Variants in FREM1 observed in about 807,000 individuals in gnomAD.
The protein encoded by FREM1 is FRAS1-related extracellular matrix protein 1.
FREM1 carries 220 observed loss-of-function variants against 210.1 expected under a neutral mutation model. The ratio of observed to expected loss-of-function variants is 1.05; its 90% CI spans 0.94 to 1.17. The LOEUF is 1.17. Among genes scored for constraint, FREM1 ranks in the 50% most tolerant of loss-of-function variants. The pLI is 0.00. For synonymous variants in FREM1, 1,189 were observed against 980.2 expected, an observed-to-expected ratio of 1.21 and a Z score of -3.98; for missense variants, 3,454 against 2,675.5, an observed-to-expected ratio of 1.29 and a Z score of -6.42.
At chr9:14,778,806 G>C (rs143077986) in intron 24 of FREM1, among the ~76,000 whole-genome samples, 1 of 151,246 alleles carries the variant, frequency 6.6e-6, no homozygotes, top group African/African-American at 2.4e-5. Context: ...ACTCTGGGAG[G>C]CTGGGGTGGG....
chr9:14,815,958 T>C (rs527477534), intron 15 of FREM1, among the ~76,000 whole-genome samples: 1 of 152,214 alleles, frequency 6.6e-6, no homozygotes, highest in Non-Finnish European at 1.5e-5. Flanking sequence ...TGCACTCGAA[T>C]TTTATGTGCA....
At chr9:14,775,617 A>G (rs1351287230) in intron 25 of FREM1, among the ~76,000 whole-genome samples, 172 bp downstream of exon 25, 1 of 149,302 alleles carries the variant, frequency 6.7e-6, no homozygotes, top group Non-Finnish European at 1.5e-5. Flanking sequence ...CTGAGGCAGG[A>G]GAATCGCTTG....
chr9:14,776,932 T>C (rs1469033948), intron 24 of FREM1, among the ~76,000 whole-genome samples: 1 of 152,230 alleles, frequency 6.6e-6, no homozygotes, highest in Non-Finnish European at 1.5e-5. Context: ...AGATGAGAGT[T>C]ATGCTACACA....
chr9:14,782,715 A>G (rs1360327281), intron 24 of FREM1, among the ~76,000 whole-genome samples: 2 of 152,198 alleles, frequency 1.3e-5, no homozygotes, highest in Non-Finnish European at 2.9e-5. Context: ...TGACAACAAC[A>G]ACGACAGTAA....
intron 23 of FREM1, among the ~76,000 whole-genome samples, chr9:14,788,346 ACT>A (rs1263080859): frequency 6.6e-6 from 1 of 152,006 alleles, no homozygotes; most frequent in Non-Finnish European, 1.5e-5. Context: ...TATACAACTG[ACT>A]CTGCTTAATT....
In FREM1 at chr9:14,789,057, C is replaced by G. The variant is rs1249220367; in HGVS notation, c.4039G>C (p.Asp1347His). 6.2e-7 allele frequency: 1 copy of G among 1,608,222 alleles called. No homozygotes were observed. Among genetic ancestry groups the G allele is most frequent in the Non-Finnish European group, 8.5e-7 (1 of 1,177,338 alleles). Residue 1347 changes from aspartate to histidine, a missense_variant, in exon 23 of 37, where the codon GAT (aspartate) becomes CAT (histidine). Coordinates refer to ENST00000380880, the MANE Select transcript of FREM1 (RefSeq NM_001379081.2). ...PGMKCTQEEV[D>H]LNLLRYTHTG... ...TGTGTGTATCTCAGCAAGTTCAGAT[C>G]CACTTCCTCCTGAGTGCATTTCATG...
In FREM1 at chr9:14,789,124, GC is replaced by G; in HGVS notation, c.3982-11del. ...CCCAGTCCCTCCCTATCTGGAAGGA[GC>G]CAGAGTTAGTCAGCTGCTCATGGTT... On this transcript the variant is annotated splice_polypyrimidine_tract_variant and intron_variant, in intron 22 of 36. Transcript: ENST00000380880. 1.9e-6 allele frequency: 3 copies of G among 1,558,342 alleles called. No homozygotes were observed. The highest frequency in any genetic ancestry group is 1.7e-6 in the Non-Finnish European group (2 of 1,148,108).
chr9:14,754,833 C>T (rs1844004991), intron 29 of FREM1, among the ~76,000 whole-genome samples: 2 of 152,090 alleles, frequency 1.3e-5, no homozygotes, highest in South Asian at 2.1e-4. Flanking sequence ...ACTTGGGAGG[C>T]CAAGGCAGGA....
At chr9:14,823,887 ATACAAGTAGCAAGTATAAAGATGTC>A (rs1821833835) in intron 12 of FREM1, 113 bp downstream of exon 12, 3 of 475,940 alleles carry the variant, frequency 6.3e-6, no homozygotes, top group Non-Finnish European at 1.1e-5. Flanking sequence ...TAATGGAAAC[ATACAAGTAGCAAGTATAAAGATGTC>A]AAGTCTTTGT....
At chr9:14,863,756 G>C in intron 3 of FREM1, 53 bp downstream of exon 3, 1 of 1,085,588 alleles carries the variant, frequency 9.2e-7, no homozygotes, top group East Asian at 2.4e-5. Context: ...GCCCTCATAA[G>C]AACACAGAAT....
intron 12 of FREM1, 30 bp from the exon 13 acceptor site, chr9:14,823,357 G>C: frequency 1.3e-6 from 2 of 1,597,342 alleles, no homozygotes; most frequent in African/African-American, 1.3e-5. Context: ...GGATATGTGG[G>C]TGCTGACTTG....
At position 14,857,756 on chromosome 9, in the gene FREM1, T is replaced by G. The variant is rs773203771; in HGVS notation, c.632-7A>C. The G allele has an allele frequency of 1.8e-5, 28 of 1,576,588 alleles. No homozygotes were observed. Among genetic ancestry groups the G allele is most frequent in the Non-Finnish European group, 2.3e-5 (27 of 1,161,244 alleles). ...TTCAGTTTTGCTCTCAGTTCTAGAA[T>G]GTACAGCACTGGATTAAGAGAGTCA... On this transcript the variant is annotated splice_region_variant and splice_polypyrimidine_tract_variant and intron_variant, in intron 4 of 36. Transcript: ENST00000380880.
In FREM1 at chr9:14,747,757, C is replaced by A. The variant is rs1480546521; in HGVS notation, c.5797-29G>T. The stretch of plus-strand genomic sequence containing the variant: ...AAATTGACAGAGAACAAAATATGAA[C>A]AGAATTGGATTGACTAATAACTAGC... On this transcript the variant is annotated intron_variant, in intron 31 of 36. Coordinates refer to ENST00000380880, the MANE Select transcript of FREM1 (RefSeq NM_001379081.2). The A allele has an allele frequency of 5.5e-6, 8 of 1,449,710 alleles. No homozygotes were observed. In the African/African-American group the frequency reaches 5.7e-5, roughly 10 times the overall value. 89.8% of individuals were successfully genotyped at this position (1,449,710 alleles called of 1,614,324 possible).
Position 14,842,560 on chromosome 9 carries a change from C to T in FREM1, c.1494G>A (p.Arg498=), listed in dbSNP as rs1295364591. 6.2e-7 allele frequency: 1 copy of T among 1,613,924 alleles called. No individual in the cohort carries two copies. The highest frequency in any genetic ancestry group is 2.2e-5 in the East Asian group (1 of 44,886). ...SDSTKDFVVF[R]IFDGHHSIRH... Reference sequence around the variant, plus strand: ...GGATGCTGTGATGGCCATCAAATATCCGGAAGACCACGAAGTCTTTGGTGG... The same window carrying T: ...GGATGCTGTGATGGCCATCAAATATTCGGAAGACCACGAAGTCTTTGGTGG... The change falls in exon 9 of 37, where the codon CGG becomes CGA. Residue 498 remains arginine, a synonymous_variant. Coordinates refer to ENST00000380880, the MANE Select transcript of FREM1 (RefSeq NM_001379081.2).
At chr9:14,814,905 T>G (rs759186199) in intron 15 of FREM1, among the ~76,000 whole-genome samples, 15 of 152,354 alleles carry the variant, frequency 9.8e-5, no homozygotes, top group Middle Eastern at 3.4e-3. Context: ...CAAAATGCAC[T>G]GCCTATTGTC....
chr9:14,842,245 GA>G, intron 9 of FREM1, 70 bp downstream of exon 9: 1 of 955,416 alleles, frequency 1.0e-6, no homozygotes, highest in Non-Finnish European at 1.6e-6. Context: ...AGCAAACCCA[GA>G]AGGATGCATA....
rs1311860867 is a variant in FREM1 at position 14,842,370 on chromosome 9, T to C, written c.1684A>G (p.Thr562Ala). 3 of 1,610,282 alleles carry C rather than the reference T, an allele frequency of 1.9e-6. No individual in the cohort carries two copies. The highest frequency in any genetic ancestry group is 2.5e-6 in the Non-Finnish European group (3 of 1,177,006). Residue 562 changes from threonine to alanine, a missense_variant, in exon 9 of 37, where the codon ACA becomes GCA. By Grantham distance (58) the Thr-to-Ala change is moderately conservative. Transcript: ENST00000380880. The part of the protein sequence containing the change: ...ASDDYIFFNI[T>A]KPPQAGEIMK... ...ATCTCCCCAGCCTGTGGAGGCTTTG[T>C]GATATTGAAGAAGATGTAGTCATCA...
At chr9:14,791,820 G>GTTTGTTTTGT (rs71323912) in intron 22 of FREM1, among the ~76,000 whole-genome samples, 27,294 of 150,258 alleles carry the variant, frequency 0.18, 2,906 homozygotes, top group East Asian at 0.3. Flanking sequence ...TCAGATAATG[G>GTTTGTTTTGT]TTTGTTTTGT....
chr9:14,887,578 A>T (rs1836036934), intron 1 of FREM1, among the ~76,000 whole-genome samples: 1 of 152,206 alleles, frequency 6.6e-6, no homozygotes, highest in Admixed American at 6.5e-5. Flanking sequence ...TTTCAGAGTG[A>T]ATGTTCTCAG....
Sources: gnomAD v4.1 joint callset for allele counts (sites outside exome capture counted in the v4.1 genomes callset) on GRCh38, gnomAD v4.1.1 for gene constraint, MANE v1.5 for transcripts, NCBI Gene and HGNC (gene_info 2026-07-23, HGNC 2026-07-21) for gene names.